The following DOCK3 variants were observed in gnomAD, a reference collection of about 807,000 sequenced individuals.
DOCK3 encodes the protein dedicator of cytokinesis 3, also known as dedicator of cytokinesis protein 3.
In DOCK3, 60 loss-of-function variants were observed where a neutral mutation model predicts 265.6. The ratio of observed to expected loss-of-function variants is 0.23; its 90% CI spans 0.18 to 0.28. DOCK3 has a LOEUF of 0.28. DOCK3 is among the 10% of genes least tolerant of loss of function. DOCK3 has a pLI of 1.00. For missense variants in DOCK3, 1,981 were observed against 2,594.3 expected, an observed-to-expected ratio of 0.76 and a Z score of 5.14; for synonymous variants, 881 against 938.0, an observed-to-expected ratio of 0.94 and a Z score of 1.11.
At chr3:51,333,333 T>A in intron 35 of DOCK3, 80 bp downstream of exon 35, 1 of 1,352,704 alleles carries the variant, frequency 7.4e-7, no homozygotes, top group Non-Finnish European at 1.0e-6. Context: ...ACCTGAAAAC[T>A]GAGACCATGT....
chr3:50,765,416 C>G (rs1437035364), intron 1 of DOCK3, among the ~76,000 whole-genome samples: 1 of 151,988 alleles, frequency 6.6e-6, no homozygotes, highest in African/African-American at 2.4e-5. Flanking sequence ...CTGACAGACA[C>G]AGTAGGGAAC....
intron 2 of DOCK3, among the ~76,000 whole-genome samples, chr3:50,795,143 C>A (rs889064473): frequency 1.3e-5 from 2 of 152,064 alleles, no homozygotes; most frequent in African/African-American, 4.8e-5. Flanking sequence ...CCTGATCTTT[C>A]ATTCTAGCTA....
chr3:51,368,310 G>T (rs184100300), intron 49 of DOCK3, among the ~76,000 whole-genome samples: 1 of 152,314 alleles, frequency 6.6e-6, no homozygotes, highest in Non-Finnish European at 1.5e-5. Context: ...CCTAGCAAAG[G>T]GAAGCCGTGA....
At chr3:51,120,472 C>T (rs999518516) in intron 9 of DOCK3, among the ~76,000 whole-genome samples, 18 of 152,186 alleles carry the variant, frequency 1.2e-4, no homozygotes, top group African/African-American at 4.3e-4. Context: ...GGCTGTCTGT[C>T]CCTTAGCAGA....
intron 14 of DOCK3, among the ~76,000 whole-genome samples, chr3:51,214,897 G>C (rs1408654289): frequency 6.6e-6 from 1 of 152,156 alleles, no homozygotes; most frequent in Non-Finnish European, 1.5e-5. Context: ...TTTCTAATTA[G>C]GCAGACATGG....
chr3:50,919,684 T>A (rs1230809044), intron 4 of DOCK3, among the ~76,000 whole-genome samples: 1 of 152,206 alleles, frequency 6.6e-6, no homozygotes, highest in Non-Finnish European at 1.5e-5. Flanking sequence ...TATACAATCA[T>A]GTCATCTGCA....
At chr3:50,849,787 A>G (rs2046273791) in intron 3 of DOCK3, among the ~76,000 whole-genome samples, 1 of 152,188 alleles carries the variant, frequency 6.6e-6, no homozygotes, top group Admixed American at 6.5e-5. Context: ...GGATACAATT[A>G]AAAGCATACT....
intron 9 of DOCK3, among the ~76,000 whole-genome samples, chr3:51,098,971 A>C (rs1319670902): frequency 6.6e-6 from 1 of 152,236 alleles, no homozygotes; most frequent in Non-Finnish European, 1.5e-5. Flanking sequence ...ACATCCACAA[A>C]GAAAGCTAAT....
chr3:51,146,596 C>A lies in DOCK3; in HGVS notation c.794C>A (p.Pro265Gln). ...AACAAGAATGGTGGGCCGAGGAACC[C>A]AGAGAAGATAGAACGAATGTGTGCC... ...RLNKNGGPRN[P>Q]EKIERMCALF... Residue 265 changes from proline to glutamine, a missense_variant, in exon 10 of 53, where the codon CCA becomes CAA. By Grantham distance (76) the Pro-to-Gln change is moderately conservative (BLOSUM62 -1). This residue lies in a region of DOCK3 where 456 missense variants were observed against 539.0 expected (regional missense o/e 0.85). Transcript: ENST00000266037. The A allele has an allele frequency of 6.3e-7, 1 of 1,598,626 alleles. No homozygotes were observed. Among genetic ancestry groups the A allele is most frequent in the East Asian group, 2.2e-5 (1 of 44,510 alleles).
chr3:51,272,280 C>CT (rs11371307), intron 24 of DOCK3, among the ~76,000 whole-genome samples: 127,959 of 144,116 alleles, frequency 0.89, 56,822 homozygotes, highest in East Asian at 0.93. Context: ...TTAGGTTTGA[C>CT]TTTTTTTTTT....
intron 1 of DOCK3, among the ~76,000 whole-genome samples, chr3:50,747,087 C>T (rs2039494306): frequency 1.3e-5 from 2 of 152,054 alleles, no homozygotes; most frequent in Non-Finnish European, 2.9e-5. Context: ...ATTGTTTTTG[C>T]ATCTTTGTAA....
At chr3:51,250,343 C>T (rs573240467) in intron 22 of DOCK3, among the ~76,000 whole-genome samples, 8 of 151,906 alleles carry the variant, frequency 5.3e-5, no homozygotes, top group African/African-American at 1.9e-4. Flanking sequence ...ACTTGGCTGG[C>T]CGTGGCAGCT....
At chr3:50,721,271 A>G (rs1413653569) in intron 1 of DOCK3, among the ~76,000 whole-genome samples, 2 of 152,152 alleles carry the variant, frequency 1.3e-5, no homozygotes, top group African/African-American at 2.4e-5. Context: ...GCCAGAGCCT[A>G]TGTCCAGAAT....
chr3:51,249,584 A>G (rs1267906874), intron 22 of DOCK3, among the ~76,000 whole-genome samples: 20 of 84,968 alleles, frequency 2.4e-4, no homozygotes, highest in South Asian at 4.7e-4. Flanking sequence ...CCAGCCGCCC[A>G]GTCCGGGAGG....
At chr3:51,037,553 C>A (rs1349886844) in intron 5 of DOCK3, among the ~76,000 whole-genome samples, 1 of 152,130 alleles carries the variant, frequency 6.6e-6, no homozygotes, top group African/African-American at 2.4e-5. Context: ...TATACACTAT[C>A]TTTGCCTTCA....
intron 1 of DOCK3, among the ~76,000 whole-genome samples, chr3:50,725,211 A>G (rs2037739515): frequency 6.6e-6 from 1 of 152,174 alleles, no homozygotes; most frequent in African/African-American, 2.4e-5. Context: ...TATATAAAGG[A>G]CAAATATGAC....
chr3:51,184,124 A>G (rs912458909), intron 12 of DOCK3, among the ~76,000 whole-genome samples: 3 of 152,178 alleles, frequency 2.0e-5, no homozygotes, highest in African/African-American at 7.2e-5. Context: ...AGCCTGGCCA[A>G]CATGGCAAAA....
At chr3:50,955,614 A>G (rs1469584705) in intron 5 of DOCK3, among the ~76,000 whole-genome samples, 1 of 152,174 alleles carries the variant, frequency 6.6e-6, no homozygotes, top group Non-Finnish European at 1.5e-5. Flanking sequence ...GTTCTCACTT[A>G]TAAGTGGAAG....
intron 5 of DOCK3, among the ~76,000 whole-genome samples, chr3:50,984,863 A>C (rs1318925192): frequency 6.6e-6 from 1 of 152,220 alleles, no homozygotes; most frequent in Non-Finnish European, 1.5e-5. Context: ...TAGCATTTAC[A>C]TTTGTTATTA....
Sources: allele counts gnomAD v4.1 joint callset (sites outside exome capture counted in the v4.1 genomes callset), GRCh38; gene constraint gnomAD v4.1.1; regional missense constraint gnomAD v4.1.1; transcripts MANE v1.5; gene names NCBI Gene and HGNC (gene_info 2026-07-23, HGNC 2026-07-21).